The following AKAP13 variants were observed in gnomAD, a reference collection of about 807,000 sequenced individuals.
AKAP13 encodes A-kinase anchor protein 13.
In AKAP13, 80 loss-of-function variants were observed where a neutral mutation model predicts 264.5. The ratio of observed to expected loss-of-function variants is 0.30; its 90% CI spans 0.25 to 0.36. The LOEUF (loss-of-function observed/expected upper bound fraction) is 0.36. AKAP13 is among the 10% of genes least tolerant of loss of function. The probability of loss-of-function intolerance (pLI) is 1.00; values close to 1 mark genes in which losing one functional copy is unlikely to be tolerated. For missense variants in AKAP13, 3,712 were observed against 3,435.2 expected (o/e 1.08, Z -2.01); for synonymous variants, 1,380 against 1,250.2 (o/e 1.10, Z -2.19).
intron 1 of AKAP13, among the ~76,000 whole-genome samples, chr15:85,458,514 A>G (rs2074379269): frequency 6.6e-6 from 1 of 150,792 alleles, no homozygotes; most frequent in Non-Finnish European, 1.5e-5. Flanking sequence ...TAATTTATAT[A>G]TTAAAATAAT....
intron 1 of AKAP13, among the ~76,000 whole-genome samples, chr15:85,441,387 G>A (rs1002654054): frequency 6.6e-6 from 1 of 151,886 alleles, no homozygotes; most frequent in Non-Finnish European, 1.5e-5. Flanking sequence ...ATATATCCTG[G>A]ATATAGGCCC....
At chr15:85,674,304 A>G (rs2084096267) in intron 14 of AKAP13, among the ~76,000 whole-genome samples, 1 of 152,232 alleles carries the variant, frequency 6.6e-6, no homozygotes, top group African/African-American at 2.4e-5. Flanking sequence ...ATAAGGCCTT[A>G]ACAAAATTAT....
intron 1 of AKAP13, among the ~76,000 whole-genome samples, chr15:85,436,797 C>T (rs2073321303): frequency 6.6e-6 from 1 of 151,972 alleles, no homozygotes; most frequent in Non-Finnish European, 1.5e-5. Flanking sequence ...ATACCAGAAT[C>T]TCTGGGACGC....
At position 85,610,516 on chromosome 15, in the gene AKAP13, TTTTCTC is replaced by T. The variant is rs549253037; in HGVS notation, c.4161+24695_4161+24700del. Reference sequence around the variant, plus strand: ...AACTCACTTCTTGGTAATGGTCCCTTTTTCTCTGTCAGTGTTTTGTTTTCTTCTTAA... The same window carrying T: ...AACTCACTTCTTGGTAATGGTCCCTTTGTCAGTGTTTTGTTTTCTTCTTAA... On this transcript the variant is annotated intron_variant, in intron 8 of 36. Coordinates refer to ENST00000394518, the MANE Select transcript of AKAP13 (RefSeq NM_007200.5). Among the ~76,000 whole-genome samples, 154 of 152,340 alleles carry T rather than the reference TTTTCTC, an allele frequency of 1.0e-3. 3 individuals are homozygous for T. The East Asian group carries it at 0.027, about 26-fold the overall frequency.
chr15:85,590,550 G>A (rs1467696532), intron 8 of AKAP13, among the ~76,000 whole-genome samples: 2 of 152,136 alleles, frequency 1.3e-5, no homozygotes, highest in South Asian at 2.1e-4. Flanking sequence ...ATCTGCATTC[G>A]TTTACTTATA....
intron 1 of AKAP13, among the ~76,000 whole-genome samples, chr15:85,438,855 C>G (rs2073469173): frequency 6.7e-6 from 1 of 149,990 alleles, no homozygotes; most frequent in Non-Finnish European, 1.5e-5. Flanking sequence ...GACCTAAAAC[C>G]ATAAAAACCC....
At chr15:85,635,111 T>A (rs1438808987) in intron 8 of AKAP13, 3 of 398,124 alleles carry the variant, frequency 7.5e-6, no homozygotes, top group African/African-American at 6.2e-5. Flanking sequence ...TGTATGTAAG[T>A]ATATGTTTGA....
rs963909009 is a variant in AKAP13 at position 85,693,443 on chromosome 15, C to T, written c.5456C>T (p.Thr1819Ile). 2 of 1,612,410 alleles carry T rather than the reference C, an allele frequency of 1.2e-6. No individual in the cohort carries two copies. The highest frequency in any genetic ancestry group is 1.7e-5 in the Admixed American group (1 of 59,546). Reference sequence around the variant, plus strand: ...CCCTTCACCAACAAAGATGCCTATACTTGTGCAAGTAAGAGACATGCTTCT... The same window carrying T: ...CCCTTCACCAACAAAGATGCCTATATTTGTGCAAGTAAGAGACATGCTTCT... The part of the protein sequence containing the change: ...MKPFTNKDAY[T>I]CANCSAFVHK... The change falls in exon 17 of 37, where the codon ACT becomes ATT. Residue 1819 changes from threonine to isoleucine, a missense_variant. Thr to Ile is a moderately conservative substitution (Grantham distance 89). This residue lies in a region of AKAP13 where 2,759 missense variants were observed against 2,411.7 expected (regional missense o/e 1.14). Coordinates refer to ENST00000394518, the MANE Select transcript of AKAP13 (RefSeq NM_007200.5).
intron 1 of AKAP13, among the ~76,000 whole-genome samples, chr15:85,435,423 C>G (rs1325948611): frequency 8.6e-6 from 1 of 116,330 alleles, no homozygotes; most frequent in Non-Finnish European, 1.7e-5. Flanking sequence ...CTTCCCCAAT[C>G]TAGCAAGGCA....
At chr15:85,613,318 A>G (rs939719245) in intron 8 of AKAP13, among the ~76,000 whole-genome samples, 1 of 152,164 alleles carries the variant, frequency 6.6e-6, no homozygotes, top group Admixed American at 6.5e-5. Context: ...TGTATTGTAT[A>G]GAAGATGGAG....
intron 8 of AKAP13, among the ~76,000 whole-genome samples, chr15:85,586,734 C>T (rs59504856): frequency 3.3e-5 from 5 of 151,732 alleles, no homozygotes; most frequent in Non-Finnish European, 5.9e-5. Flanking sequence ...AAGATCAGCC[C>T]GACCAACATG....
intron 10 of AKAP13, among the ~76,000 whole-genome samples, chr15:85,654,760 G>A (rs1596922044): frequency 6.6e-6 from 1 of 151,996 alleles, no homozygotes; most frequent in East Asian, 1.9e-4. Context: ...GGAGGTCAAG[G>A]CTGCAGTGAG....
chr15:85,587,556 A>G (rs773159874), intron 8 of AKAP13, among the ~76,000 whole-genome samples: 1 of 152,210 alleles, frequency 6.6e-6, no homozygotes, highest in African/African-American at 2.4e-5. Flanking sequence ...GCTGGGTCAT[A>G]TGGTAATTTC....
At chr15:85,502,063 C>T (rs924931660) in intron 2 of AKAP13, among the ~76,000 whole-genome samples, 2 of 152,130 alleles carry the variant, frequency 1.3e-5, no homozygotes, top group African/African-American at 4.8e-5. Context: ...TATTAAAACC[C>T]AGATTGCTGG....
chr15:85,740,124 A>G, intron 33 of AKAP13, 98 bp from the exon 34 acceptor site: 1 of 1,229,422 alleles, frequency 8.1e-7, no homozygotes, highest in Non-Finnish European at 1.2e-6. Context: ...ATTTAGTTGT[A>G]TCTTAAAGGA....
At chr15:85,612,104 T>C (rs575324292) in intron 8 of AKAP13, among the ~76,000 whole-genome samples, 1 of 152,246 alleles carries the variant, frequency 6.6e-6, no homozygotes, top group Non-Finnish European at 1.5e-5. Context: ...GGCAGTGACA[T>C]GGAGTTGTAC....
intron 1 of AKAP13, among the ~76,000 whole-genome samples, chr15:85,437,824 A>G (rs930469901): frequency 6.6e-6 from 1 of 152,090 alleles, no homozygotes; most frequent in African/African-American, 2.4e-5. Flanking sequence ...TTTCAAAATA[A>G]TAAGAGCTAT....
At chr15:85,490,895 C>T (rs746717315) in intron 2 of AKAP13, among the ~76,000 whole-genome samples, 6 of 152,062 alleles carry the variant, frequency 3.9e-5, no homozygotes, top group Admixed American at 1.3e-4. Context: ...TGTGCCTGAC[C>T]AGGGGCTGTT....
chr15:85,642,294 GA>G (rs1326943404), intron 9 of AKAP13, among the ~76,000 whole-genome samples: 2 of 152,176 alleles, frequency 1.3e-5, no homozygotes, highest in African/African-American at 2.4e-5. Context: ...TGGCAACTGA[GA>G]GGGGTGAAAT....
Sources: gnomAD v4.1 joint callset for allele counts (sites outside exome capture counted in the v4.1 genomes callset) on GRCh38, gnomAD v4.1.1 for gene constraint, gnomAD v4.1.1 regional missense constraint, MANE v1.5 for transcripts, NCBI Gene and HGNC (gene_info 2026-07-23, HGNC 2026-07-21) for gene names.